RNF150: variants seen among roughly 807,000 people sequenced by gnomAD.
The protein encoded by RNF150 is ring finger protein 150.
RNF150 carries 24 observed loss-of-function variants against 39.3 expected under a neutral mutation model. The ratio of observed to expected loss-of-function variants is 0.61; its 90% confidence interval spans 0.44 to 0.86. RNF150 has a LOEUF of 0.86. Among genes scored for constraint, RNF150 ranks in the 40% least tolerant of loss-of-function variants. The probability of loss-of-function intolerance (pLI) is 0.00; values close to 1 mark genes in which losing one functional copy is unlikely to be tolerated. For synonymous variants in RNF150, 255 were observed against 227.3 expected (o/e 1.12, Z -1.10); for missense variants, 502 against 587.8 (o/e 0.85, Z 1.51).
At chr4:141,054,915 C>A (rs375442014) in intron 1 of RNF150, among the ~76,000 whole-genome samples, 120 of 152,198 alleles carry the variant, frequency 7.9e-4, no homozygotes, top group African/African-American at 2.6e-3. Flanking sequence ...AATGTGATAA[C>A]AAACAACAAA....
At position 141,116,866 on chromosome 4, in the gene RNF150, T is replaced by C. The variant is rs935301008; in HGVS notation, c.484+15459A>G. On this transcript the variant is annotated intron_variant, in intron 1 of 6. Coordinates refer to ENST00000515673, the MANE Select transcript of RNF150 (RefSeq NM_020724.2). ...GGAATATGGATGAAGCTGGAAACCA[T>C]TATTCTCGGCAAACTAACACAGGAA... is the stretch of plus-strand genomic sequence containing the variant. Among the ~76,000 whole-genome samples the C allele has an allele frequency of 4.6e-5, 7 of 152,132 alleles. No homozygotes were observed. The South Asian group carries it at 1.0e-3, about 23-fold the overall frequency.
intron 1 of RNF150, among the ~76,000 whole-genome samples, chr4:141,150,585 A>G (rs987432521): frequency 2.6e-5 from 4 of 152,202 alleles, no homozygotes; most frequent in Non-Finnish European, 5.9e-5. Context: ...TCTCTCTTAG[A>G]GTAAAAGCCA....
chr4:141,159,429 G>GTTTTGTACATAGCTCACAA (rs1205711217), intron 1 of RNF150, among the ~76,000 whole-genome samples: 1 of 152,124 alleles, frequency 6.6e-6, no homozygotes, highest in Admixed American at 6.6e-5. Flanking sequence ...AGCCATATGA[G>GTTTTGTACATAGCTCACAA]TTTTGTACAT....
chr4:141,144,790 T>A (rs1252125756), intron 1 of RNF150, among the ~76,000 whole-genome samples: 1 of 152,146 alleles, frequency 6.6e-6, no homozygotes, highest in African/African-American at 2.4e-5. Flanking sequence ...AAGCAGGGAC[T>A]TTAGTTATAT....
In RNF150 at chr4:140,861,187, A is replaced by T. The variant is rs900987723; in HGVS notation, c.*7074T>A. ...ATTTCACACCATTTACATTCATATG[A>T]AGTCTTTTTATTGATCTTCCTTTGC... On this transcript the variant is annotated 3_prime_UTR_variant, in exon 7 of 7. Coordinates refer to ENST00000515673, the MANE Select transcript of RNF150 (RefSeq NM_020724.2). The T allele has an allele frequency of 2.6e-5, 4 of 152,200 alleles. No individual in the cohort carries two copies. The highest frequency in any genetic ancestry group is 5.9e-5 in the Non-Finnish European group (4 of 68,046). The allele number at this position is 152,200 out of a possible 1,614,324, so 9.4% of individuals were successfully genotyped here. A position where few individuals can be genotyped will look rare whatever the true frequency, so the allele number is the denominator to read the frequency against.
chr4:141,078,993 T>C (rs1157075058), intron 1 of RNF150, among the ~76,000 whole-genome samples: 1 of 151,728 alleles, frequency 6.6e-6, no homozygotes, highest in Non-Finnish European at 1.5e-5. Context: ...CCACTTTAAA[T>C]GCAAAATATC....
In RNF150 at chr4:140,863,112, G is replaced by A. The variant is rs183640057; in HGVS notation, c.*5149C>T. On this transcript the variant is annotated 3_prime_UTR_variant, in exon 7 of 7. Coordinates refer to ENST00000515673, the MANE Select transcript of RNF150 (RefSeq NM_020724.2). ...AATTAGTGGCCCTCAGATCACTTACGATGAGCAAGCACTTGTGCTAAGTAG... is the reference window on the plus strand; with the variant it reads ...AATTAGTGGCCCTCAGATCACTTACAATGAGCAAGCACTTGTGCTAAGTAG... 5.3e-5 allele frequency: 8 copies of A among 152,232 alleles called. No homozygotes were observed. Among genetic ancestry groups the A allele is most frequent in the East Asian group, 3.9e-4 (2 of 5,174 alleles). 9.4% of individuals were successfully genotyped at this position (152,232 alleles called of 1,614,324 possible). A position where few individuals can be genotyped will look rare whatever the true frequency, so the allele number is the denominator to read the frequency against.
intron 1 of RNF150, among the ~76,000 whole-genome samples, chr4:140,982,633 G>A (rs1236715018): frequency 1.3e-5 from 2 of 151,888 alleles, no homozygotes; most frequent in Non-Finnish European, 2.9e-5. Context: ...GTGAGCATGG[G>A]TCACTGGAAC....
Position 141,132,235 on chromosome 4 carries a change from C to G in RNF150, c.484+90G>C. ...CACGTCTTCCGCGCCGCACGGACTT[C>G]CCAGAAGGAGCCTGGAGGCAGGCGC... On this transcript the variant is annotated intron_variant, in intron 1 of 6. Coordinates refer to ENST00000515673, the MANE Select transcript of RNF150 (RefSeq NM_020724.2). This position sits in a 1 kb window ranked among gnomAD's most constrained non-coding sequence, Gnocchi z 4.9. 7.2e-7 allele frequency: 1 copy of G among 1,388,860 alleles called. No individual in the cohort carries two copies. The highest frequency in any genetic ancestry group is 9.8e-7 in the Non-Finnish European group (1 of 1,017,272). The allele number at this position is 1,388,860 out of a possible 1,614,324, so 86.0% of individuals were successfully genotyped here. A position where few individuals can be genotyped will look rare whatever the true frequency, so the allele number is the denominator to read the frequency against.
intron 1 of RNF150, among the ~76,000 whole-genome samples, chr4:141,031,393 A>G: frequency 6.6e-6 from 1 of 152,144 alleles, no homozygotes; most frequent in Non-Finnish European, 1.5e-5. Context: ...CAAAAGCAAA[A>G]ATAGACAAAT....
At chr4:141,064,462 G>GCATA (rs1737372430) in intron 1 of RNF150, among the ~76,000 whole-genome samples, 1 of 152,010 alleles carries the variant, frequency 6.6e-6, no homozygotes, top group African/African-American at 2.4e-5. Flanking sequence ...TAATCACCAG[G>GCATA]CATAGTTGTG....
At chr4:141,124,246 T>C (rs1466102302) in intron 1 of RNF150, among the ~76,000 whole-genome samples, 1 of 152,234 alleles carries the variant, frequency 6.6e-6, no homozygotes, top group African/African-American at 2.4e-5. Context: ...TACTTTCTGA[T>C]GCCAGGGCTC....
intron 4 of RNF150, among the ~76,000 whole-genome samples, chr4:140,929,751 A>C (rs1280867660): frequency 6.6e-6 from 1 of 152,178 alleles, no homozygotes; most frequent in African/African-American, 2.4e-5. Flanking sequence ...CTATGAAGGC[A>C]TTTTGTAGAT....
intron 4 of RNF150, among the ~76,000 whole-genome samples, chr4:140,942,574 G>T (rs560389254): frequency 6.6e-6 from 1 of 152,064 alleles, no homozygotes; most frequent in East Asian, 1.9e-4. Flanking sequence ...TTACAAAATG[G>T]AACTATATGC....
At chr4:141,070,933 G>A (rs909035562) in intron 1 of RNF150, among the ~76,000 whole-genome samples, 11 of 140,704 alleles carry the variant, frequency 7.8e-5, no homozygotes, top group Non-Finnish European at 1.4e-4. Context: ...TCATGCACAC[G>A]TATATTTATT....
intron 1 of RNF150, among the ~76,000 whole-genome samples, chr4:141,178,690 G>A (rs1347403): frequency 0.38 from 57,555 of 151,884 alleles, 13,326 homozygotes; most frequent in Non-Finnish European, 0.51. Flanking sequence ...GCTTGAAATG[G>A]TGCTGACAAG....
intron 6 of RNF150, among the ~76,000 whole-genome samples, chr4:140,904,766 C>T (rs557707429): frequency 6.6e-4 from 101 of 152,312 alleles, no homozygotes; most frequent in African/African-American, 1.9e-3. Flanking sequence ...AAGTCCTGAA[C>T]GCACATTCTT....
chr4:140,999,969 G>GAAGAA (rs1553935655), intron 1 of RNF150, among the ~76,000 whole-genome samples: 640 of 31,042 alleles, frequency 0.021, 152 homozygotes, highest in Middle Eastern at 0.12. Context: ...AGAAGAAGAA[G>GAAGAA]AAGAAGAAAA....
intron 5 of RNF150, among the ~76,000 whole-genome samples, chr4:140,921,479 G>A (rs1731143279): frequency 6.6e-6 from 1 of 152,072 alleles, no homozygotes; most frequent in Non-Finnish European, 1.5e-5. Flanking sequence ...ATAATTAATA[G>A]CCCACCAACC....
Sources: allele counts gnomAD v4.1 joint callset (sites outside exome capture counted in the v4.1 genomes callset), GRCh38; gene constraint gnomAD v4.1.1; non-coding constraint Gnocchi (gnomAD v3.1); transcripts MANE v1.5; gene names NCBI Gene and HGNC (gene_info 2026-07-23, HGNC 2026-07-21).